SEMA3A: variants seen among roughly 807,000 people sequenced by gnomAD.
SEMA3A encodes semaphorin 3A.
A neutral mutation model predicts 97.9 loss-of-function variants in SEMA3A; 29 were observed. That is an observed-to-expected ratio of 0.30 (90% confidence interval 0.22 to 0.40). The LOEUF (loss-of-function observed/expected upper bound fraction) is 0.40, where lower values mean the gene tolerates loss of function less well. SEMA3A is among the 10% of genes least tolerant of loss of function. The pLI, the probability that SEMA3A is intolerant of heterozygous loss-of-function variation, is 1.00. For missense variants in SEMA3A, 763 were observed against 951.3 expected, an observed-to-expected ratio of 0.80 and a Z score of 2.60; for synonymous variants, 321 against 323.7, an observed-to-expected ratio of 0.99 and a Z score of 0.09.
chr7:84,328,335 A>G (rs560987087), intron 2 of SEMA3A, among the ~76,000 whole-genome samples: 1 of 152,112 alleles, frequency 6.6e-6, no homozygotes, highest in South Asian at 2.1e-4. Flanking sequence ...AACATGAATG[A>G]CCTCTTTAAC....
intron 1 of SEMA3A, among the ~76,000 whole-genome samples, chr7:84,430,686 A>C (rs1224739014): frequency 1.3e-5 from 2 of 151,964 alleles, no homozygotes; most frequent in Admixed American, 1.3e-4. Context: ...AATATTTGGG[A>C]AACAGGTTGG....
intron 1 of SEMA3A, among the ~76,000 whole-genome samples, chr7:84,491,609 T>C (rs906830571): frequency 1.2e-4 from 19 of 152,046 alleles, no homozygotes; most frequent in African/African-American, 4.6e-4. Context: ...CAATTCAGAA[T>C]ATATGGTAGA....
chr7:83,988,647 A>G (rs1009979276), intron 12 of SEMA3A, among the ~76,000 whole-genome samples: 1 of 152,138 alleles, frequency 6.6e-6, no homozygotes, highest in Non-Finnish European at 1.5e-5. Flanking sequence ...GTAATGGTAT[A>G]ATTTAGAGAT....
At chr7:84,326,716 T>C (rs1270832934) in intron 2 of SEMA3A, among the ~76,000 whole-genome samples, 1 of 151,876 alleles carries the variant, frequency 6.6e-6, no homozygotes, top group East Asian at 1.9e-4. Flanking sequence ...AAACAAACAA[T>C]AGGGAAAAGA....
rs187075771 is a variant in SEMA3A at position 84,092,126 on chromosome 7, T to A, written c.453+18344A>T. 8.5e-4 allele frequency among the ~76,000 whole-genome samples: 129 copies of A among 152,290 alleles called. 1 individual carries two copies. Among genetic ancestry groups the A allele is most frequent in the Non-Finnish European group, 1.6e-3 (108 of 68,014 alleles). On this transcript the variant is annotated intron_variant, in intron 4 of 16. Coordinates refer to ENST00000265362, the MANE Select transcript of SEMA3A (RefSeq NM_006080.3). ...ATATATTTTTTAAAAGGCATTTTTT[T>A]AAATGCTCCCTCTAAATCTTCTCAA...
intron 2 of SEMA3A, among the ~76,000 whole-genome samples, chr7:84,314,168 A>G (rs1367147983): frequency 6.6e-6 from 1 of 152,092 alleles, no homozygotes; most frequent in Non-Finnish European, 1.5e-5. Context: ...TCTATATCCT[A>G]GACATTTTAA....
At chr7:84,024,297 T>C (rs538861496) in intron 6 of SEMA3A, among the ~76,000 whole-genome samples, 31 of 152,092 alleles carry the variant, frequency 2.0e-4, no homozygotes, top group Admixed American at 5.2e-4. Flanking sequence ...CCCGGCACCA[T>C]GGGGAGGCCA....
intron 1 of SEMA3A, among the ~76,000 whole-genome samples, chr7:84,424,002 G>T (rs759263151): frequency 4.9e-4 from 75 of 151,800 alleles, no homozygotes; most frequent in South Asian, 1.7e-3. Flanking sequence ...ATAGATGTTG[G>T]CATGAATGTG....
intron 1 of SEMA3A, among the ~76,000 whole-genome samples, chr7:84,141,400 A>T (rs988455724): frequency 1.3e-5 from 2 of 151,934 alleles, no homozygotes; most frequent in South Asian, 4.2e-4. Flanking sequence ...GTATTTGTTG[A>T]TGTTCTGTAC....
intron 4 of SEMA3A, among the ~76,000 whole-genome samples, chr7:84,078,359 A>C (rs572681168): frequency 6.6e-6 from 1 of 152,026 alleles, no homozygotes. Flanking sequence ...ATTACTCCCT[A>C]TTATTTTGCA....
intron 1 of SEMA3A, among the ~76,000 whole-genome samples, chr7:84,467,615 ATTTCTTTATGATC>A (rs576914197): frequency 5.4e-4 from 81 of 151,052 alleles, no homozygotes; most frequent in African/African-American, 1.9e-3. Context: ...TTCCTATCCA[ATTTCTTTATGATC>A]TTGCCTGTCT....
intron 12 of SEMA3A, among the ~76,000 whole-genome samples, chr7:83,997,989 G>A (rs1426697336): frequency 1.3e-5 from 2 of 151,956 alleles, no homozygotes; most frequent in East Asian, 3.9e-4. Flanking sequence ...GCATGCCTCG[G>A]CCTCCCAAAG....
intron 4 of SEMA3A, among the ~76,000 whole-genome samples, chr7:84,080,936 T>C (rs1279786874): frequency 8.6e-5 from 13 of 152,018 alleles, no homozygotes. Context: ...AAAGTTTACA[T>C]GTGGGGACAA....
rs576615797 is a variant in SEMA3A, at chr7:84,435,840, G to C, written c.-246+56620C>G. Among the ~76,000 whole-genome samples, 43 of 152,000 alleles carry C rather than the reference G, an allele frequency of 2.8e-4. No individual in the cohort carries two copies. The South Asian group carries it at 8.9e-3, about 32-fold the overall frequency. ...AAAGCACTATTGTAAAATTCACATG[G>C]AATCAAAAAAGAGCCAGAATAGCCA... On this transcript the variant is annotated intron_variant, in intron 1 of 3. Transcript: ENST00000424555.
At chr7:83,976,284 A>G (rs1266138726) in intron 15 of SEMA3A, among the ~76,000 whole-genome samples, 1 of 152,196 alleles carries the variant, frequency 6.6e-6, no homozygotes, top group Non-Finnish European at 1.5e-5. Context: ...AAGTCAACTG[A>G]TAAATATTAA....
intron 1 of SEMA3A, among the ~76,000 whole-genome samples, chr7:84,424,180 A>G (rs1804677628): frequency 6.6e-6 from 1 of 151,366 alleles, no homozygotes. Flanking sequence ...TATCAAAAAG[A>G]CACCTGCACA....
chr7:84,263,020 T>C (rs1799896821), intron 3 of SEMA3A, among the ~76,000 whole-genome samples: 1 of 152,330 alleles, frequency 6.6e-6, no homozygotes, highest in East Asian at 1.9e-4. Flanking sequence ...GGGTATAACA[T>C]ATAAATTTAT....
rs1788291766 is a variant in SEMA3A, at chr7:83,956,779, C to G, written c.*4592G>C. 6.6e-6 allele frequency: 1 copy of G among 152,058 alleles called. No individual in the cohort carries two copies. The highest frequency in any genetic ancestry group is 1.5e-5 in the Non-Finnish European group (1 of 67,998). The allele number at this position is 152,058 out of a possible 1,614,324, so 9.4% of individuals were successfully genotyped here. A position where few individuals can be genotyped will look rare whatever the true frequency, so the allele number is the denominator to read the frequency against. On this transcript the variant is annotated 3_prime_UTR_variant, in exon 17 of 17. Coordinates refer to ENST00000265362, the MANE Select transcript of SEMA3A (RefSeq NM_006080.3). Reference sequence around the variant, plus strand: ...AGAAAAAGGACTTTTTTTCACACCTCTCCTCCTTTCTCCTTATTTCTTCTA... The same window carrying G: ...AGAAAAAGGACTTTTTTTCACACCTGTCCTCCTTTCTCCTTATTTCTTCTA...
intron 2 of SEMA3A, among the ~76,000 whole-genome samples, chr7:84,316,441 T>C (rs1437425286): frequency 1.3e-5 from 2 of 151,956 alleles, no homozygotes; most frequent in African/African-American, 4.8e-5. Flanking sequence ...ACAGAACAAA[T>C]GTACACAAAG....
Sources: allele counts gnomAD v4.1 joint callset (sites outside exome capture counted in the v4.1 genomes callset), GRCh38; gene constraint gnomAD v4.1.1; transcripts MANE v1.5; gene names NCBI Gene and HGNC (gene_info 2026-07-23, HGNC 2026-07-21).